Variants in WAC observed in about 807,000 individuals in gnomAD.
WAC encodes the protein WW domain containing adaptor with coiled-coil, also known as WW domain-containing adapter protein with coiled-coil.
A neutral mutation model predicts 79.6 loss-of-function variants in WAC; 11 were observed. The ratio of observed to expected loss-of-function variants is 0.14; its 90% confidence interval spans 0.09 to 0.23. The LOEUF is 0.23. Among genes scored for constraint, WAC ranks in the 10% least tolerant of loss-of-function variants. The pLI, the probability that WAC is intolerant of heterozygous loss-of-function variation, is 1.00. For missense variants in WAC, 728 were observed against 773.5 expected (o/e 0.94, Z 0.70); for synonymous variants, 304 against 276.9 (o/e 1.10, Z -0.97).
In WAC at chr10:28,533,195, A is replaced by G. The variant is rs1487527054; in HGVS notation, c.-385A>G. ...GCGGCGGCGGGAGGAGGAGGAGGAGAAGAAGGACCAGGCGGCGGCAGCAGC... is the reference window on the plus strand; with the variant it reads ...GCGGCGGCGGGAGGAGGAGGAGGAGGAGAAGGACCAGGCGGCGGCAGCAGC... On this transcript the variant is annotated 5_prime_UTR_variant, in exon 1 of 14. Transcript: ENST00000354911. 1.7e-4 allele frequency: 28 copies of G among 165,234 alleles called. No homozygotes were observed. Among genetic ancestry groups the G allele is most frequent in the African/African-American group, 4.5e-4 (18 of 40,058 alleles). 10.2% of individuals were successfully genotyped at this position (165,234 alleles called of 1,614,324 possible).
At chr10:28,606,315 C>T (rs12773860) in intron 7 of WAC, among the ~76,000 whole-genome samples, 15,130 of 152,154 alleles carry the variant, frequency 0.099, 1,014 homozygotes, top group Non-Finnish European at 0.14. Flanking sequence ...GGATTATAGG[C>T]GTGAGCCACC....
At chr10:28,598,225 A>G (rs1840476639) in intron 7 of WAC, among the ~76,000 whole-genome samples, 3 of 152,204 alleles carry the variant, frequency 2.0e-5, no homozygotes, top group African/African-American at 4.8e-5. Flanking sequence ...TGCTTAGATT[A>G]TAGCAAGCAC....
chr10:28,601,488 G>A (rs1046067350), intron 7 of WAC, among the ~76,000 whole-genome samples: 1 of 152,086 alleles, frequency 6.6e-6, no homozygotes, highest in Non-Finnish European at 1.5e-5. Flanking sequence ...CAGCTACTCT[G>A]GAATACAGTT....
chr10:28,569,252 T>G (rs1466812176), intron 3 of WAC, among the ~76,000 whole-genome samples: 1 of 152,180 alleles, frequency 6.6e-6, no homozygotes, highest in Non-Finnish European at 1.5e-5. Context: ...AAAATAATGG[T>G]AAAAATAGAT....
chr10:28,536,568 A>C (rs992699447), intron 3 of WAC, among the ~76,000 whole-genome samples: 1 of 152,230 alleles, frequency 6.6e-6, no homozygotes, highest in African/African-American at 2.4e-5. Flanking sequence ...AAACATTTTC[A>C]GTATTCTCCA....
rs753005411 is a variant in WAC, at chr10:28,616,287, T to C, written c.1671T>C (p.Pro557=). 1 of 1,614,058 alleles carries C rather than the reference T, an allele frequency of 6.2e-7. No homozygotes were observed. Among genetic ancestry groups the C allele is most frequent in the Non-Finnish European group, 8.5e-7 (1 of 1,179,982 alleles). The change falls in exon 12 of 14, where the codon CCT becomes CCC. Residue 557 remains proline, a synonymous_variant. Coordinates refer to ENST00000354911, the MANE Select transcript of WAC (RefSeq NM_016628.5). ...SSARSTCSLT[P]ALAAHFSENL... ...CCCGATCCACGTGTTCATTAACGCCTGCACTAGCAGCACACTTCAGTGAAA... is the reference window on the plus strand; with the variant it reads ...CCCGATCCACGTGTTCATTAACGCCCGCACTAGCAGCACACTTCAGTGAAA...
intron 3 of WAC, among the ~76,000 whole-genome samples, chr10:28,552,915 C>T (rs1271248096): frequency 7.7e-6 from 1 of 129,220 alleles, no homozygotes; most frequent in Admixed American, 9.1e-5. Context: ...TCTCCAAGGT[C>T]CTTTTCAGAA....
intron 3 of WAC, among the ~76,000 whole-genome samples, chr10:28,569,425 A>G (rs1838828543): frequency 6.6e-6 from 1 of 152,242 alleles, no homozygotes; most frequent in Non-Finnish European, 1.5e-5. Flanking sequence ...TATTTTAAAG[A>G]CATAAACATT....
In WAC at chr10:28,598,128, C is replaced by T. The variant is rs544472111; in HGVS notation, c.919+2087C>T. Among the ~76,000 whole-genome samples the T allele has an allele frequency of 2.6e-5, 4 of 152,280 alleles. No homozygotes were observed. In the East Asian group the frequency reaches 7.7e-4, roughly 29 times the overall value. ...ACCCAGTCTATCCGCTTAACAGTGG[C>T]ATCATTATACCATTTAAATTGAATT... On this transcript the variant is annotated intron_variant, in intron 7 of 13. Transcript: ENST00000354911.
At position 28,545,266 on chromosome 10, in the gene WAC, C is replaced by T. The variant is rs148902235; in HGVS notation, c.274+9509C>T. 2.8e-4 allele frequency among the ~76,000 whole-genome samples: 42 copies of T among 152,044 alleles called. 1 individual carries two copies. The East Asian group carries it at 7.8e-3, about 28-fold the overall frequency. On this transcript the variant is annotated intron_variant, in intron 3 of 13. Transcript: ENST00000354911. Reference sequence around the variant, plus strand: ...CAGCATTTTGGGAGGCCGAGGAGGGCGGATCACCTAAGTTCGGGAGAGACC... The same window carrying T: ...CAGCATTTTGGGAGGCCGAGGAGGGTGGATCACCTAAGTTCGGGAGAGACC...
chr10:28,606,106 C>T (rs959597770), intron 7 of WAC, among the ~76,000 whole-genome samples: 1 of 151,636 alleles, frequency 6.6e-6, no homozygotes, highest in African/African-American at 2.4e-5. Flanking sequence ...GGCTAGATTG[C>T]AGTGGCTGAA....
At chr10:28,539,598 G>A (rs551748700) in intron 3 of WAC, among the ~76,000 whole-genome samples, 19 of 150,662 alleles carry the variant, frequency 1.3e-4, no homozygotes, top group Non-Finnish European at 2.4e-4. Flanking sequence ...AGACAGAGTT[G>A]CCCAGGCTGG....
At chr10:28,572,468 T>TA (rs1839026515) in intron 3 of WAC, among the ~76,000 whole-genome samples, 2 of 151,608 alleles carry the variant, frequency 1.3e-5, no homozygotes, top group Non-Finnish European at 2.9e-5. Flanking sequence ...GACCAAGAAA[T>TA]AGAGTGGGAG....
At chr10:28,611,609 T>G in intron 9 of WAC, 165 bp from the exon 10 acceptor site, 21 of 1,230,874 alleles carry the variant, frequency 1.7e-5, no homozygotes, top group Admixed American at 5.6e-5. Context: ...TGTGGCCCAG[T>G]GAGAAGGTCA....
chr10:28,579,777 T>C (rs1158348190), intron 3 of WAC, among the ~76,000 whole-genome samples: 6 of 152,104 alleles, frequency 3.9e-5, no homozygotes, highest in African/African-American at 1.4e-4. Flanking sequence ...CCAAAGAAAG[T>C]ATGTAAGGTA....
chr10:28,614,865 C>G (rs891246901), intron 11 of WAC, 180 bp downstream of exon 11: 2 of 449,964 alleles, frequency 4.4e-6, no homozygotes, highest in Non-Finnish European at 7.7e-6. Context: ...AGGTTATTGT[C>G]TCTAGTAGTG....
intron 3 of WAC, among the ~76,000 whole-genome samples, chr10:28,553,974 T>C (rs1390845413): frequency 6.6e-6 from 1 of 152,142 alleles, no homozygotes; most frequent in African/African-American, 2.4e-5. Flanking sequence ...GTTCAGGTGA[T>C]TCTCCTGCCT....
At chr10:28,552,905 T>C (rs2132434421) in intron 3 of WAC, among the ~76,000 whole-genome samples, 1 of 142,186 alleles carries the variant, frequency 7.0e-6, no homozygotes, top group African/African-American at 2.6e-5. Context: ...AATTTGATAA[T>C]CTCCAAGGTC....
intron 7 of WAC, among the ~76,000 whole-genome samples, chr10:28,599,888 C>T (rs1056454815): frequency 6.6e-6 from 1 of 152,038 alleles, no homozygotes; most frequent in East Asian, 1.9e-4. Flanking sequence ...CTTTATTGGA[C>T]CACCATACAA....
Sources: gnomAD v4.1 joint callset for allele counts (sites outside exome capture counted in the v4.1 genomes callset) on GRCh38, gnomAD v4.1.1 for gene constraint, MANE v1.5 for transcripts, NCBI Gene and HGNC (gene_info 2026-07-23, HGNC 2026-07-21) for gene names.